Variants in NBEA observed in about 807,000 individuals in gnomAD.
NBEA encodes the protein lysosomal-trafficking regulator 2.
In NBEA, 44 loss-of-function variants were observed where a neutral mutation model predicts 343.4. That is an observed-to-expected ratio of 0.13 (90% confidence interval 0.10 to 0.16). The LOEUF (loss-of-function observed/expected upper bound fraction) is 0.16. Ranked by LOEUF, NBEA falls within the 10% of genes least tolerant of loss-of-function variation. The pLI, the probability that NBEA is intolerant of heterozygous loss-of-function variation, is 1.00. For synonymous variants in NBEA, 1,175 were observed against 1,238.7 expected, an observed-to-expected ratio of 0.95 and a Z score of 1.08; for missense variants, 2,555 against 3,631.3, an observed-to-expected ratio of 0.70 and a Z score of 7.62.
intron 34 of NBEA, among the ~76,000 whole-genome samples, chr13:35,246,309 G>T (rs537036675): frequency 1.3e-5 from 2 of 152,134 alleles, no homozygotes; most frequent in South Asian, 4.1e-4. Flanking sequence ...TTCTTGGTTT[G>T]GATCTTTTGG....
chr13:35,001,773 A>T (rs970844861), intron 1 of NBEA, among the ~76,000 whole-genome samples: 2 of 152,100 alleles, frequency 1.3e-5, no homozygotes, highest in African/African-American at 4.8e-5. Flanking sequence ...TATTGTTAAC[A>T]ATTTATTGTA....
chr13:35,209,055 G>A (rs2073590289), intron 32 of NBEA, among the ~76,000 whole-genome samples: 1 of 152,122 alleles, frequency 6.6e-6, no homozygotes, highest in Non-Finnish European at 1.5e-5. Flanking sequence ...TTAGAGGACA[G>A]TATTGGTTTT....
chr13:35,652,165 A>G (rs2084555045), intron 53 of NBEA, among the ~76,000 whole-genome samples: 1 of 152,160 alleles, frequency 6.6e-6, no homozygotes. Flanking sequence ...CTAACAGCTC[A>G]GTATTATTTA....
intron 4 of NBEA, among the ~76,000 whole-genome samples, chr13:35,048,216 G>A (rs2062933339): frequency 6.6e-6 from 1 of 151,886 alleles, no homozygotes; most frequent in Non-Finnish European, 1.5e-5. Flanking sequence ...AAAACCTAGT[G>A]TAAACCACAG....
chr13:35,629,164 A>G (rs2083350584), intron 49 of NBEA, among the ~76,000 whole-genome samples: 1 of 152,194 alleles, frequency 6.6e-6, no homozygotes, highest in Non-Finnish European at 1.5e-5. Flanking sequence ...AGATAAGTGG[A>G]AAGAGTGAAG....
intron 6 of NBEA, among the ~76,000 whole-genome samples, chr13:35,053,693 T>A (rs2063144823): frequency 6.6e-6 from 1 of 152,062 alleles, no homozygotes; most frequent in African/African-American, 2.4e-5. Context: ...CTTTGAAAGG[T>A]AAATAATAAT....
At chr13:34,962,295 T>A (rs551168533) in intron 1 of NBEA, among the ~76,000 whole-genome samples, 1 of 152,182 alleles carries the variant, frequency 6.6e-6, no homozygotes, top group East Asian at 1.9e-4. Context: ...TATGTGTCTA[T>A]ATATACACAC....
intron 29 of NBEA, among the ~76,000 whole-genome samples, chr13:35,183,111 T>C (rs944894967): frequency 6.6e-6 from 1 of 152,000 alleles, no homozygotes; most frequent in Non-Finnish European, 1.5e-5. Flanking sequence ...GCTGCCTTTT[T>C]TCATTTGCAA....
chr13:35,649,989 A>T, intron 52 of NBEA, 142 bp downstream of exon 52: 1 of 847,434 alleles, frequency 1.2e-6, no homozygotes, highest in Non-Finnish European at 1.8e-6. Context: ...TGTCAAATCC[A>T]ACTAAGGGAC....
At chr13:35,098,576 C>T (rs970878361) in intron 11 of NBEA, among the ~76,000 whole-genome samples, 171 bp downstream of exon 11, 18 of 151,756 alleles carry the variant, frequency 1.2e-4, no homozygotes, top group African/African-American at 3.9e-4. Flanking sequence ...AACTGGGTAT[C>T]GGAAGTGTAA....
chr13:35,634,208 TGGC>T (rs1265579707), intron 49 of NBEA, among the ~76,000 whole-genome samples: 2 of 151,998 alleles, frequency 1.3e-5, no homozygotes, highest in African/African-American at 4.8e-5. Context: ...CTGGGCGTGG[TGGC>T]GGGCACCTGT....
chr13:35,566,842 A>T, intron 44 of NBEA, 63 bp from the exon 45 acceptor site: 1 of 893,186 alleles, frequency 1.1e-6, no homozygotes, highest in Middle Eastern at 2.2e-4. Flanking sequence ...GCTTTGTAAA[A>T]ACAGAAACTA....
At chr13:34,996,661 C>T (rs1375396527) in intron 1 of NBEA, among the ~76,000 whole-genome samples, 3 of 152,060 alleles carry the variant, frequency 2.0e-5, no homozygotes, top group Admixed American at 2.0e-4. Flanking sequence ...GAAACATACT[C>T]CAAGATCATG....
At chr13:35,387,683 G>A (rs1170793902) in intron 38 of NBEA, among the ~76,000 whole-genome samples, 2 of 152,088 alleles carry the variant, frequency 1.3e-5, no homozygotes, top group Admixed American at 1.3e-4. Flanking sequence ...CTTTAAGTTA[G>A]CCTGAAAAGG....
intron 34 of NBEA, among the ~76,000 whole-genome samples, chr13:35,239,469 CTGT>C (rs1213846719): frequency 1.3e-5 from 2 of 152,026 alleles, no homozygotes; most frequent in Non-Finnish European, 2.9e-5. Flanking sequence ...TATTACAAAA[CTGT>C]TATGTAATGT....
chr13:35,093,494 T>C (rs17051855), intron 10 of NBEA, among the ~76,000 whole-genome samples: 5,627 of 152,034 alleles, frequency 0.037, 161 homozygotes, highest in African/African-American at 0.077. Context: ...GCACTTCTAG[T>C]GTATGTTAAT....
At chr13:35,023,809 T>C (rs2061927063) in intron 1 of NBEA, among the ~76,000 whole-genome samples, 2 of 152,124 alleles carry the variant, frequency 1.3e-5, no homozygotes, top group South Asian at 4.1e-4. Context: ...CTTTAGAAAA[T>C]CGCAAGGCTC....
intron 36 of NBEA, among the ~76,000 whole-genome samples, chr13:35,317,518 T>C (rs142441756): frequency 6.6e-6 from 1 of 152,330 alleles, no homozygotes; most frequent in East Asian, 1.9e-4. Context: ...CCTTGTAGTA[T>C]AGTTTGAAGT....
intron 49 of NBEA, among the ~76,000 whole-genome samples, chr13:35,638,670 T>C (rs781364551): frequency 1.6e-4 from 25 of 152,198 alleles, no homozygotes; most frequent in Non-Finnish European, 3.2e-4. Context: ...TATTTAAGGC[T>C]TCCAGGCTTG....
Sources: allele counts gnomAD v4.1 joint callset (sites outside exome capture counted in the v4.1 genomes callset), GRCh38; gene constraint gnomAD v4.1.1; transcripts MANE v1.5; gene names NCBI Gene and HGNC (gene_info 2026-07-23, HGNC 2026-07-21).